Variants in CAMKK2 observed in about 807,000 individuals in gnomAD.
CAMKK2 encodes calcium/calmodulin-dependent protein kinase kinase 2.
Under a neutral mutation model 67.2 loss-of-function variants are expected in CAMKK2, and 30 were observed. The ratio of observed to expected loss-of-function variants is 0.45; its 90% CI spans 0.33 to 0.61. CAMKK2 has a LOEUF of 0.61. Ranked by LOEUF, CAMKK2 falls within the 20% of genes least tolerant of loss-of-function variation. The pLI is 0.02. For missense variants in CAMKK2, 643 were observed against 802.0 expected, an observed-to-expected ratio of 0.80 and a Z score of 2.39; for synonymous variants, 322 against 326.2, an observed-to-expected ratio of 0.99 and a Z score of 0.14.
chr12:121,267,347 C>T (rs1314033056), intron 5 of CAMKK2, among the ~76,000 whole-genome samples: 3 of 151,370 alleles, frequency 2.0e-5, no homozygotes, highest in Admixed American at 1.3e-4. Flanking sequence ...CTCCTGACCT[C>T]GTGATCCACC....
rs769368623 is a variant in CAMKK2 at position 121,255,121 on chromosome 12, C to A, written c.907+429G>T. ...TTGAGAGTTAGATGGGCTCTCCTTG[C>A]TCCTCAAGCTTGCAGACAGACTATA... On this transcript the variant is annotated intron_variant, in intron 9 of 16. Transcript: ENST00000404169. Among the ~76,000 whole-genome samples the A allele has an allele frequency of 5.0e-5, 7 of 141,368 alleles. No individual in the cohort carries two copies. The South Asian group carries it at 6.4e-4, about 13-fold the overall frequency. The allele number at this position is 141,368 out of a possible 152,430, so 92.7% of individuals were successfully genotyped here.
intron 6 of CAMKK2, among the ~76,000 whole-genome samples, chr12:121,263,156 G>A (rs958191268): frequency 3.3e-5 from 5 of 152,092 alleles, no homozygotes; most frequent in Admixed American, 1.3e-4. Context: ...ATTTTTAATC[G>A]AGTACAAAGG....
At chr12:121,249,183 C>T (rs1401263205) in intron 13 of CAMKK2, among the ~76,000 whole-genome samples, 1 of 152,218 alleles carries the variant, frequency 6.6e-6, no homozygotes, top group Non-Finnish European at 1.5e-5. Flanking sequence ...CAGGGGTCTG[C>T]CCCCTTGGGT....
chr12:121,255,428 C>T (rs1892056066), intron 9 of CAMKK2, 122 bp downstream of exon 9: 10 of 560,208 alleles, frequency 1.8e-5, no homozygotes, highest in Non-Finnish European at 3.1e-5. Context: ...CTCTAGAGGA[C>T]CCCAATCCAC....
intron 10 of CAMKK2, among the ~76,000 whole-genome samples, chr12:121,252,999 C>G (rs1313634838): frequency 6.6e-6 from 1 of 152,208 alleles, no homozygotes; most frequent in Non-Finnish European, 1.5e-5. Flanking sequence ...GAGGAATGCT[C>G]TTGCCACTGA....
At chr12:121,259,347 C>T (rs1489526757) in intron 7 of CAMKK2, among the ~76,000 whole-genome samples, 4 of 152,100 alleles carry the variant, frequency 2.6e-5, no homozygotes, top group Non-Finnish European at 5.9e-5. Context: ...CACTCAGGTG[C>T]GCTCCCCAAG....
chr12:121,286,518 G>T (rs1297022902), intron 1 of CAMKK2, among the ~76,000 whole-genome samples: 1 of 152,094 alleles, frequency 6.6e-6, no homozygotes. Flanking sequence ...ATGAGTTATA[G>T]ATACTGTTTT....
Position 121,244,609 on chromosome 12 carries a change from T to C in CAMKK2, c.1560A>G (p.Lys520=). 6.4e-7 allele frequency: 1 copy of C among 1,563,428 alleles called. No homozygotes were observed. Among genetic ancestry groups the C allele is most frequent in the Non-Finnish European group, 8.7e-7 (1 of 1,153,540 alleles). The change falls in exon 16 of 17, where the codon AAA becomes AAG. Residue 520 remains lysine (K), a synonymous_variant. Coordinates refer to ENST00000404169, the MANE Select transcript of CAMKK2 (RefSeq NM_001270485.2). ...LSAPGNLLTK[K]PTRECESLSE... is the part of the protein sequence containing the mutation. ...ACAGGGACTCACATTCCCTGGTTGGTTTTTTGCTGGAATCACCAGAGGGAG... is the reference window on the plus strand; with the variant it reads ...ACAGGGACTCACATTCCCTGGTTGGCTTTTTGCTGGAATCACCAGAGGGAG...
intron 6 of CAMKK2, among the ~76,000 whole-genome samples, chr12:121,262,544 C>T (rs963464406): frequency 8.2e-5 from 12 of 145,686 alleles, no homozygotes; most frequent in Admixed American, 4.0e-4. Context: ...CATGTTAATA[C>T]GCAATAAGCT....
intron 1 of CAMKK2, among the ~76,000 whole-genome samples, chr12:121,290,319 C>G (rs1291529754): frequency 6.6e-6 from 1 of 152,246 alleles, no homozygotes; most frequent in Non-Finnish European, 1.5e-5. Flanking sequence ...CTGCTTTTCT[C>G]TACTTTGTGG....
chr12:121,244,229 G>A (rs1297845839), intron 16 of CAMKK2: 14 of 1,314,192 alleles, frequency 1.1e-5, no homozygotes, highest in Admixed American at 2.0e-5. Context: ...TGCGGACTCG[G>A]GGGGGCACCC....
chr12:121,284,641 G>A (rs189649860), intron 1 of CAMKK2, among the ~76,000 whole-genome samples: 127 of 152,212 alleles, frequency 8.3e-4, no homozygotes, highest in Non-Finnish European at 1.5e-3. Context: ...AGTTTTTCAG[G>A]AAGGGGCCAA....
intron 9 of CAMKK2, among the ~76,000 whole-genome samples, 187 bp downstream of exon 9, chr12:121,255,363 T>A (rs1245393629): frequency 9.1e-5 from 4 of 44,096 alleles, no homozygotes; most frequent in Non-Finnish European, 7.7e-5. Context: ...ATTATATATA[T>A]AATTTTATAT....
intron 1 of CAMKK2, among the ~76,000 whole-genome samples, chr12:121,291,154 C>T (rs1484673987): frequency 6.6e-6 from 1 of 152,162 alleles, no homozygotes; most frequent in Non-Finnish European, 1.5e-5. Context: ...ACGATTCTTG[C>T]AAGGGGTAGG....
At chr12:121,272,321 C>T (rs1454601950) in intron 2 of CAMKK2, among the ~76,000 whole-genome samples, 1 of 152,168 alleles carries the variant, frequency 6.6e-6, no homozygotes, top group Non-Finnish European at 1.5e-5. Flanking sequence ...GTGGTACGTC[C>T]ATACAATTGA....
Position 121,285,316 on chromosome 12 carries a change from A to G in CAMKK2, c.-59-10731T>C, listed in dbSNP as rs1898511312. Among the ~76,000 whole-genome samples the G allele has an allele frequency of 6.6e-6, 1 of 152,226 alleles. No homozygotes were observed. The highest frequency in any genetic ancestry group is 6.5e-5 in the Admixed American group (1 of 15,282). ...CCAGGAGTTCGAGACCAGCCTAGCC[A>G]ACATGGTGAAACTCCACCTCTACTA... On this transcript the variant is annotated intron_variant, in intron 1 of 16. Coordinates refer to ENST00000404169, the MANE Select transcript of CAMKK2 (RefSeq NM_001270485.2). The surrounding 1 kb of genome is among the most constrained non-coding windows in gnomAD (Gnocchi z 4.1).
In CAMKK2 at chr12:121,240,680, G is replaced by C. The variant is rs963536067; in HGVS notation, c.*19C>G. On this transcript the variant is annotated 3_prime_UTR_variant, in exon 17 of 17. Coordinates refer to ENST00000404169, the MANE Select transcript of CAMKK2 (RefSeq NM_001270485.2). The surrounding 1 kb of genome is among the most constrained non-coding windows in gnomAD (Gnocchi z 4.4). ...CAGAGGCGACGCGGCGCGCATGCGA[G>C]GTCGAGCGATCCAGGCAGCTACTCG... is the stretch of plus-strand genomic sequence containing the variant. The C allele has an allele frequency of 6.3e-7, 1 of 1,578,456 alleles. No homozygotes were observed.
At chr12:121,279,174 G>A (rs780692534) in intron 1 of CAMKK2, among the ~76,000 whole-genome samples, 5 of 152,230 alleles carry the variant, frequency 3.3e-5, no homozygotes, top group African/African-American at 4.8e-5. Flanking sequence ...CATCTGGCCC[G>A]GGCCTCCCTC....
At chr12:121,242,451 G>A (rs1888559858) in intron 16 of CAMKK2, among the ~76,000 whole-genome samples, 1 of 152,212 alleles carries the variant, frequency 6.6e-6, no homozygotes, top group African/African-American at 2.4e-5. Flanking sequence ...CTAAAATGGA[G>A]ATTGAGAGGA....
Sources: allele counts gnomAD v4.1 joint callset (sites outside exome capture counted in the v4.1 genomes callset), GRCh38; gene constraint gnomAD v4.1.1; non-coding constraint Gnocchi (gnomAD v3.1); transcripts MANE v1.5; gene names NCBI Gene and HGNC (gene_info 2026-07-23, HGNC 2026-07-21).